PPP4R3B: variants seen among roughly 807,000 people sequenced by gnomAD.
PPP4R3B encodes the protein protein phosphatase 4 regulatory subunit 3B.
Under a neutral mutation model 95.4 loss-of-function variants are expected in PPP4R3B, and 52 were observed. The ratio of observed to expected loss-of-function variants is 0.54; its 90% confidence interval spans 0.44 to 0.69. The LOEUF (loss-of-function observed/expected upper bound fraction) is 0.69. PPP4R3B is among the 30% of genes least tolerant of loss of function. The pLI is 0.00. For synonymous variants in PPP4R3B, 407 were observed against 343.9 expected, an observed-to-expected ratio of 1.18 and a Z score of -2.03; for missense variants, 1,003 against 1,005.9, an observed-to-expected ratio of 1.00 and a Z score of 0.04.
intron 8 of PPP4R3B, 118 bp from the exon 9 acceptor site, chr2:55,579,899 A>G: frequency 1.9e-6 from 1 of 531,896 alleles, no homozygotes; most frequent in Admixed American, 3.6e-5. Flanking sequence ...AGCAGTACAG[A>G]TCATATATAA....
intron 12 of PPP4R3B, 26 bp downstream of exon 12, chr2:55,573,593 T>C: frequency 6.6e-7 from 1 of 1,517,558 alleles, no homozygotes; most frequent in Non-Finnish European, 8.8e-7. Flanking sequence ...TTAAAAATGT[T>C]GCTCCTTAAA....
intron 4 of PPP4R3B, 118 bp from the exon 5 acceptor site, chr2:55,589,074 T>G (rs1223845636): frequency 1.7e-5 from 11 of 647,446 alleles, no homozygotes; most frequent in Non-Finnish European, 2.8e-5. Flanking sequence ...TCATGAAACC[T>G]AATATTCTGG....
rs919083868 is a variant in PPP4R3B, at chr2:55,617,437, C to A, written c.-152G>T. ...TTCACCATGGCTCCAAAGGTTCAGC[C>A]GCGAGAAGGGGTGACAAGAGCCACT... On this transcript the variant is annotated 5_prime_UTR_variant, in exon 1 of 17. Coordinates refer to ENST00000616407, the MANE Select transcript of PPP4R3B (RefSeq NM_001122964.3). 1.1e-6 allele frequency: 1 copy of A among 932,828 alleles called. No homozygotes were observed. The highest frequency in any genetic ancestry group is 2.4e-5 in the South Asian group (1 of 42,016). The allele number at this position is 932,828 out of a possible 1,614,324, so 57.8% of individuals were successfully genotyped here. A position where few individuals can be genotyped will look rare whatever the true frequency, so the allele number is the denominator to read the frequency against.
intron 12 of PPP4R3B, among the ~76,000 whole-genome samples, chr2:55,570,649 TAA>T (rs1265121280): frequency 1.3e-5 from 2 of 152,238 alleles, no homozygotes; most frequent in Non-Finnish European, 2.9e-5. Flanking sequence ...TCTGATTTTA[TAA>T]GTCATTTTCT....
At chr2:55,611,167 CTT>C (rs772252183) in intron 2 of PPP4R3B, among the ~76,000 whole-genome samples, 10 of 151,864 alleles carry the variant, frequency 6.6e-5, no homozygotes, top group East Asian at 1.9e-4. Flanking sequence ...TAGTATGACT[CTT>C]GTTTTTTATT....
At chr2:55,558,478 C>T (rs577324737) in intron 16 of PPP4R3B, among the ~76,000 whole-genome samples, 28 of 151,988 alleles carry the variant, frequency 1.8e-4, no homozygotes, top group Non-Finnish European at 3.8e-4. Flanking sequence ...TGTGGTGGCA[C>T]GCGCCTGTAG....
At chr2:55,612,114 T>C (rs1028861788) in intron 2 of PPP4R3B, among the ~76,000 whole-genome samples, 1 of 152,152 alleles carries the variant, frequency 6.6e-6, no homozygotes, top group Non-Finnish European at 1.5e-5. Context: ...AAAAACCCGC[T>C]AATGGAAACA....
chr2:55,581,736 T>G, intron 7 of PPP4R3B, 38 bp from the exon 8 acceptor site: 5 of 1,598,110 alleles, frequency 3.1e-6, no homozygotes, highest in Non-Finnish European at 4.3e-6. Context: ...CATGTTTCCA[T>G]TAGACCTGGT....
At chr2:55,608,861 T>C (rs1438383581) in intron 2 of PPP4R3B, among the ~76,000 whole-genome samples, 1 of 152,144 alleles carries the variant, frequency 6.6e-6, no homozygotes, top group Non-Finnish European at 1.5e-5. Context: ...GGTATGCGCC[T>C]GCAGTCCCAG....
chr2:55,565,103 A>G, intron 13 of PPP4R3B, 62 bp from the exon 14 acceptor site: 1 of 1,362,610 alleles, frequency 7.3e-7, no homozygotes. Flanking sequence ...GAAAAACTTT[A>G]AAATTTTGTT....
At chr2:55,603,173 G>C (rs1299375464) in intron 3 of PPP4R3B, among the ~76,000 whole-genome samples, 1 of 152,082 alleles carries the variant, frequency 6.6e-6, no homozygotes, top group Non-Finnish European at 1.5e-5. Flanking sequence ...GGGTGGTCTC[G>C]AACTCCTGAT....
At chr2:55,589,425 T>G (rs1690640820) in intron 4 of PPP4R3B, among the ~76,000 whole-genome samples, 1 of 152,162 alleles carries the variant, frequency 6.6e-6, no homozygotes. Context: ...CAAAGCTATT[T>G]AAAATACAAT....
At chr2:55,574,178 C>A (rs955662449) in intron 11 of PPP4R3B, among the ~76,000 whole-genome samples, 8 of 151,700 alleles carry the variant, frequency 5.3e-5, no homozygotes, top group African/African-American at 1.2e-4. Context: ...CAAGTGTAAG[C>A]CCCTGCACCT....
At position 55,617,291 on chromosome 2, in the gene PPP4R3B, C is replaced by G. The variant is rs528062452; in HGVS notation, c.-6G>C. Reference sequence around the variant, plus strand: ...CGCCGCCGCGTATCCGACATGGTGGCTGCTGTCTCCACCGCTCTAGCCGCC... The same window carrying G: ...CGCCGCCGCGTATCCGACATGGTGGGTGCTGTCTCCACCGCTCTAGCCGCC... On this transcript the variant is annotated 5_prime_UTR_variant, in exon 1 of 17. Coordinates refer to ENST00000616407, the MANE Select transcript of PPP4R3B (RefSeq NM_001122964.3). 3.8e-6 allele frequency: 6 copies of G among 1,590,932 alleles called. No individual in the cohort carries two copies. In the South Asian group the frequency reaches 6.7e-5, roughly 18 times the overall value.
intron 6 of PPP4R3B, 147 bp from the exon 7 acceptor site, chr2:55,585,314 T>A (rs1334670978): frequency 8.0e-6 from 4 of 501,996 alleles, no homozygotes; most frequent in African/African-American, 2.0e-5. Context: ...CTTGCCAGTA[T>A]GTTCTTCCTT....
intron 15 of PPP4R3B, among the ~76,000 whole-genome samples, chr2:55,561,785 T>C (rs1823893): frequency 0.44 from 67,586 of 152,130 alleles, 15,905 homozygotes; most frequent in Non-Finnish European, 0.52. Context: ...TGTACCCCCG[T>C]TGTATCTTGG....
chr2:55,617,057 G>A, intron 1 of PPP4R3B, 87 bp downstream of exon 1: 2 of 1,457,200 alleles, frequency 1.4e-6, no homozygotes, highest in Non-Finnish European at 1.8e-6. Flanking sequence ...CGAAGGAGTA[G>A]CAACGGTAAC....
intron 2 of PPP4R3B, among the ~76,000 whole-genome samples, chr2:55,613,135 T>C (rs890870781): frequency 2.6e-5 from 4 of 152,014 alleles, no homozygotes; most frequent in Non-Finnish European, 4.4e-5. Flanking sequence ...AAAGTGCAAA[T>C]TGAAGATTTG....
Position 55,564,382 on chromosome 2 carries a change from G to A in PPP4R3B, c.2191C>T (p.Pro731Ser). The A allele has an allele frequency of 1.2e-6, 2 of 1,613,606 alleles. No individual in the cohort carries two copies. Among genetic ancestry groups the A allele is most frequent in the East Asian group, 2.2e-5 (1 of 44,808 alleles). ...TCTTCTGGCTTAGGTTTTTCCACTG[G>A]TGCCACAACTGCTTTTCCTTCCTCT... ...EEEEGKAVVAPVEKPKPEDDF... is the reference protein window; with the variant it reads ...EEEEGKAVVASVEKPKPEDDF... The change falls in exon 15 of 17, where the codon CCA (proline) becomes TCA (serine). Residue 731 changes from proline (P) to serine (S), a missense_variant. Around this residue, in one of 3 missense-constraint regions of PPP4R3B, gnomAD observed 229 missense variants for 194.7 expected, o/e 1.18. Coordinates refer to ENST00000616407, the MANE Select transcript of PPP4R3B (RefSeq NM_001122964.3).
Sources: gnomAD v4.1 joint callset for allele counts (sites outside exome capture counted in the v4.1 genomes callset) on GRCh38, gnomAD v4.1.1 for gene constraint, gnomAD v4.1.1 regional missense constraint, MANE v1.5 for transcripts, NCBI Gene and HGNC (gene_info 2026-07-23, HGNC 2026-07-21) for gene names.